The following SOS1 variants were observed in gnomAD, a reference collection of about 807,000 sequenced individuals.
SOS1 encodes SOS Ras/Rac guanine nucleotide exchange factor 1, also known as son of sevenless homolog 1.
Under a neutral mutation model 157.6 loss-of-function variants are expected in SOS1, and 25 were observed. The observed-to-expected ratio is 0.16, with a 90% CI of 0.12 to 0.22. SOS1 has a LOEUF of 0.22. SOS1 is among the 10% of genes least tolerant of loss of function. The pLI, the probability that SOS1 is intolerant of heterozygous loss-of-function variation, is 1.00. For missense variants in SOS1, 1,237 were observed against 1,599.1 expected, an observed-to-expected ratio of 0.77 and a Z score of 3.86; for synonymous variants, 528 against 534.0, an observed-to-expected ratio of 0.99 and a Z score of 0.16.
At chr2:39,037,634 G>C (rs6709646) in intron 6 of SOS1, among the ~76,000 whole-genome samples, 5,181 of 148,710 alleles carry the variant, frequency 0.035, 271 homozygotes, top group African/African-American at 0.11. Flanking sequence ...TTTTTAACAA[G>C]TTGAAGATTT....
At position 39,024,068 on chromosome 2, in the gene SOS1, T is replaced by A; in HGVS notation, c.1144A>T (p.Asn382Tyr). The A allele has an allele frequency of 6.2e-7, 1 of 1,600,038 alleles. No individual in the cohort carries two copies. Among genetic ancestry groups the A allele is most frequent in the Non-Finnish European group, 8.6e-7 (1 of 1,167,414 alleles). ...ATTTTTTCCATACCACTCTGAACAT[T>A]AAGCAAAGCTGTTATTGCTTGTTTT... Reference protein sequence around the residue: ...CLKQAITALLNVQSGMEKICS... With the variant: ...CLKQAITALLYVQSGMEKICS... Residue 382 changes from asparagine to tyrosine, a missense_variant, in exon 9 of 23, where the codon AAT becomes TAT. Physicochemically the swap from Asn to Tyr is moderately radical, Grantham distance 143 (BLOSUM62 -2). Transcript: ENST00000402219.
At position 39,058,757 on chromosome 2, in the gene SOS1, T is replaced by A; in HGVS notation, c.261A>T (p.Ile87=). ...SFPHPIDKWA[I]ADAQSAIEKR... ...TTTCAATAGCTGATTGGGCATCAGC[T>A]ATTGCCCATTTATCAATTGGATGAG... The change falls in exon 3 of 23, where the codon ATA becomes ATT. Residue 87 remains isoleucine, a synonymous_variant. Transcript: ENST00000402219. 6.2e-7 allele frequency: 1 copy of A among 1,612,542 alleles called. No homozygotes were observed. Among genetic ancestry groups the A allele is most frequent in the South Asian group, 1.1e-5 (1 of 90,958 alleles).
In SOS1 at chr2:39,047,866, C is replaced by T. The variant is rs561046010; in HGVS notation, c.864+3278G>A. On this transcript the variant is annotated intron_variant, in intron 6 of 22. Coordinates refer to ENST00000402219, the MANE Select transcript of SOS1 (RefSeq NM_005633.4). ...TATTTTTAATAGAGACAGGGTTTCA[C>T]CATGTTGGCCAGGCTCGTCTCAAAC... 7.2e-4 allele frequency among the ~76,000 whole-genome samples: 110 copies of T among 152,290 alleles called. 2 individuals are homozygous for T. Among genetic ancestry groups the T allele is most frequent in the Non-Finnish European group, 9.7e-4 (66 of 68,034 alleles).
intron 2 of SOS1, among the ~76,000 whole-genome samples, chr2:39,061,401 G>T (rs889183975): frequency 2.9e-4 from 44 of 149,428 alleles, no homozygotes; most frequent in Non-Finnish European, 4.5e-5. Flanking sequence ...TATTTATTTT[G>T]GGGGGGAACA....
chr2:39,007,677 C>A (rs1429286376), intron 15 of SOS1, among the ~76,000 whole-genome samples: 1 of 152,128 alleles, frequency 6.6e-6, no homozygotes, highest in Non-Finnish European at 1.5e-5. Flanking sequence ...TTTCTACGAA[C>A]AGCATTAAAT....
chr2:38,983,287 T>C lies in SOS1; in HGVS notation c.*2537A>G, dbSNP rs1291097541. ...AAGGATAAATTTGTCAACTAGTTAA[T>C]GTTTCATATTGAGAAGAAGGCAAGG... On this transcript the variant is annotated 3_prime_UTR_variant, in exon 23 of 23. Coordinates refer to ENST00000402219, the MANE Select transcript of SOS1 (RefSeq NM_005633.4). The C allele has an allele frequency of 2.6e-5, 4 of 152,194 alleles. No homozygotes were observed. Among genetic ancestry groups the C allele is most frequent in the Non-Finnish European group, 5.9e-5 (4 of 68,030 alleles). 9.4% of individuals were successfully genotyped at this position (152,194 alleles called of 1,614,324 possible).
At chr2:39,059,490 G>T (rs143332548) in intron 2 of SOS1, among the ~76,000 whole-genome samples, 1 of 151,928 alleles carries the variant, frequency 6.6e-6, no homozygotes, top group Non-Finnish European at 1.5e-5. Context: ...TCAAAAAGGC[G>T]CTTTCATCCT....
intron 6 of SOS1, among the ~76,000 whole-genome samples, chr2:39,035,838 T>C (rs999511066): frequency 3.9e-5 from 6 of 152,070 alleles, no homozygotes; most frequent in Admixed American, 1.3e-4. Context: ...ACAAAGAATA[T>C]AGATATGTAC....
upstream of SOS1, among the ~76,000 whole-genome samples, chr2:39,121,968 A>G (rs1213554958): frequency 6.6e-6 from 1 of 151,948 alleles, no homozygotes; most frequent in Non-Finnish European, 1.5e-5. Context: ...TTTCACCGAT[A>G]AGAAGGCAGT....
rs1256503713 is a variant in SOS1, at chr2:39,106,611, A to AC, written c.87+13724_87+13725insG. Among the ~76,000 whole-genome samples the AC allele has an allele frequency of 3.4e-5, 5 of 149,184 alleles. No homozygotes were observed. In the South Asian group the frequency reaches 1.0e-3, roughly 31 times the overall value. On this transcript the variant is annotated intron_variant, in intron 1 of 22. Coordinates refer to ENST00000402219, the MANE Select transcript of SOS1 (RefSeq NM_005633.4). Reference sequence around the variant, plus strand: ...GTCTCAAAAAAAAAAACAAAAAAAAAAACAAAACATCTGAGTAATTCAGGG... The same window carrying AC: ...GTCTCAAAAAAAAAAACAAAAAAAAACAACAAAACATCTGAGTAATTCAGGG...
At chr2:39,118,463 G>A (rs1348519850) in intron 1 of SOS1, among the ~76,000 whole-genome samples, 1 of 152,188 alleles carries the variant, frequency 6.6e-6, no homozygotes, top group Non-Finnish European at 1.5e-5. Context: ...ATTTAAATAA[G>A]AATTGGAAGA....
chr2:39,022,517 A>C, intron 10 of SOS1, 53 bp downstream of exon 10: 1 of 1,416,654 alleles, frequency 7.1e-7, no homozygotes, highest in Non-Finnish European at 1.0e-6. Context: ...GCAGGAAAGA[A>C]AATCAGTTTG....
At chr2:39,010,076 G>C (rs1174951267) in intron 15 of SOS1, among the ~76,000 whole-genome samples, 1 of 152,180 alleles carries the variant, frequency 6.6e-6, no homozygotes, top group Non-Finnish European at 1.5e-5. Context: ...AGCACTTTGG[G>C]AGGCCAAGAG....
intron 12 of SOS1, 87 bp from the exon 13 acceptor site, chr2:39,013,650 G>C: frequency 9.9e-7 from 1 of 1,010,546 alleles, no homozygotes; most frequent in Non-Finnish European, 1.6e-6. Flanking sequence ...TGAAAATGCA[G>C]TAACTCTTAC....
rs58865034 is a variant in SOS1, at chr2:39,102,204, CAAAAAAAAA to C, written c.87+18123_87+18131del. Reference sequence around the variant, plus strand: ...CGGGTGACAGTGCGAGACTCTGTCTCAAAAAAAAAAAAAAAAAAAAAAAAAAGTGCCACT... The same window carrying C: ...CGGGTGACAGTGCGAGACTCTGTCTCAAAAAAAAAAAAAAAAAGTGCCACT... On this transcript the variant is annotated intron_variant, in intron 1 of 22. Coordinates refer to ENST00000402219, the MANE Select transcript of SOS1 (RefSeq NM_005633.4). Among the ~76,000 whole-genome samples, 22 of 23,752 alleles carry C rather than the reference CAAAAAAAAA, an allele frequency of 9.3e-4. 1 individual carries two copies. In the South Asian group the frequency reaches 0.02, roughly 22 times the overall value. 15.6% of individuals were successfully genotyped at this position (23,752 alleles called of 152,430 possible).
chr2:39,040,077 C>T (rs1165471238), intron 6 of SOS1, among the ~76,000 whole-genome samples: 3 of 151,694 alleles, frequency 2.0e-5, no homozygotes, highest in Non-Finnish European at 2.9e-5. Flanking sequence ...AGTGGCGTGA[C>T]CTCGGCTCAC....
intron 10 of SOS1, among the ~76,000 whole-genome samples, chr2:39,021,833 C>G (rs1669807039): frequency 2.0e-5 from 3 of 151,588 alleles, no homozygotes; most frequent in African/African-American, 7.3e-5. Flanking sequence ...TAGTTGTAGT[C>G]TAGATCATAA....
intron 1 of SOS1, among the ~76,000 whole-genome samples, chr2:39,112,933 G>A (rs747393056): frequency 2.6e-5 from 4 of 152,042 alleles, no homozygotes; most frequent in Admixed American, 6.6e-5. Context: ...CAGCTACTGG[G>A]GAGGCTGAGG....
At position 38,990,143 on chromosome 2, in the gene SOS1, T is replaced by C. The variant is rs376008875; in HGVS notation, c.3347-829A>G. 2.0e-4 allele frequency among the ~76,000 whole-genome samples: 31 copies of C among 151,502 alleles called. No homozygotes were observed. In the East Asian group the frequency reaches 4.4e-3, roughly 22 times the overall value. On this transcript the variant is annotated intron_variant, in intron 20 of 22. Coordinates refer to ENST00000402219, the MANE Select transcript of SOS1 (RefSeq NM_005633.4). ...AAGAGACTAAAATAATACTAGACTG[T>C]GGTAATTTTTTTTAAATTCAGATTT... is the stretch of plus-strand genomic sequence containing the variant.
Sources: allele counts gnomAD v4.1 joint callset (sites outside exome capture counted in the v4.1 genomes callset), GRCh38; gene constraint gnomAD v4.1.1; transcripts MANE v1.5; gene names NCBI Gene and HGNC (gene_info 2026-07-23, HGNC 2026-07-21).